Variants in RIPOR1 observed in about 807,000 individuals in gnomAD.
RIPOR1 encodes the protein rho family-interacting cell polarization regulator 1.
Under a neutral mutation model 116.5 loss-of-function variants are expected in RIPOR1, and 58 were observed. The ratio of observed to expected loss-of-function variants is 0.50; its 90% confidence interval spans 0.40 to 0.62. The LOEUF (loss-of-function observed/expected upper bound fraction) is 0.62. Ranked by LOEUF, RIPOR1 falls within the 20% of genes least tolerant of loss-of-function variation. RIPOR1 has a pLI of 0.00. For synonymous variants in RIPOR1, 605 were observed against 650.0 expected (o/e 0.93, Z 1.05); for missense variants, 1,372 against 1,586.2 (o/e 0.86, Z 2.29).
In RIPOR1 at chr16:67,541,212, C is replaced by G. The variant is rs2050970847; in HGVS notation, c.802-218C>G. 2 of 536,776 alleles carry G rather than the reference C, an allele frequency of 3.7e-6. No homozygotes were observed. The highest frequency in any genetic ancestry group is 5.0e-5 in the South Asian group (2 of 39,622). 33.3% of individuals were successfully genotyped at this position (536,776 alleles called of 1,614,324 possible). A position where few individuals can be genotyped will look rare whatever the true frequency, so the allele number is the denominator to read the frequency against. On this transcript the variant is annotated intron_variant, in intron 10 of 21. Transcript: ENST00000042381. The surrounding 1 kb of genome is among the most constrained non-coding windows in gnomAD (Gnocchi z 4.6). Reference sequence around the variant, plus strand: ...TCCCAAGTAGCTGGGACTACAGGTGCACCACCATGCCTGGCTAAAAATTTT... The same window carrying G: ...TCCCAAGTAGCTGGGACTACAGGTGGACCACCATGCCTGGCTAAAAATTTT...
Position 67,543,284 on chromosome 16 carries a change from G to A in RIPOR1, c.2478+20G>A. On this transcript the variant is annotated intron_variant, in intron 13 of 21. Coordinates refer to ENST00000042381, the MANE Select transcript of RIPOR1 (RefSeq NM_024519.4). This position sits in a 1 kb window ranked among gnomAD's most constrained non-coding sequence, Gnocchi z 4.7. Reference sequence around the variant, plus strand: ...CTCATGGTGAGGAGGGCTGGGCTGGGCTAGGGCAACCAGGGAGGGCAGCCA... The same window carrying A: ...CTCATGGTGAGGAGGGCTGGGCTGGACTAGGGCAACCAGGGAGGGCAGCCA... 6.2e-7 allele frequency: 1 copy of A among 1,603,902 alleles called. No individual in the cohort carries two copies.
rs979267136 is a variant in RIPOR1 at position 67,530,354 on chromosome 16, G to A, written c.-24+1440G>A. 3.3e-5 allele frequency among the ~76,000 whole-genome samples: 5 copies of A among 152,246 alleles called. No individual in the cohort carries two copies. The highest frequency in any genetic ancestry group is 7.3e-5 in the Non-Finnish European group (5 of 68,036). On this transcript the variant is annotated intron_variant, in intron 1 of 21. Coordinates refer to ENST00000042381, the MANE Select transcript of RIPOR1 (RefSeq NM_024519.4). This position sits in a 1 kb window ranked among gnomAD's most constrained non-coding sequence, Gnocchi z 4.5. ...CCCGACAGCCTCCGCCCGGTTCCGG[G>A]GTGGGGGGTCCGGGGCTGTGCCGCT...
chr16:67,527,923 T>G (rs1245223176), upstream of RIPOR1, among the ~76,000 whole-genome samples: 1 of 147,830 alleles, frequency 6.8e-6, no homozygotes, highest in Non-Finnish European at 1.5e-5. Context: ...AAAACAGCCC[T>G]CAGGACTGGT....
upstream of RIPOR1, among the ~76,000 whole-genome samples, chr16:67,524,325 G>A (rs2050522894): frequency 6.6e-6 from 1 of 152,164 alleles, no homozygotes; most frequent in Admixed American, 6.5e-5. Context: ...TGTGGAGGCT[G>A]GTGGTGGGTC....
At position 67,541,303 on chromosome 16, in the gene RIPOR1, T is replaced by C; in HGVS notation, c.802-127T>C. On this transcript the variant is annotated intron_variant, in intron 10 of 21. Transcript: ENST00000042381. The surrounding 1 kb of genome is among the most constrained non-coding windows in gnomAD (Gnocchi z 4.6). ...CAAGCTGGTCTTGAACTCCTGGCCT[T>C]AAGTGATCCTCCTGCCTCAGCCTCC... is the stretch of plus-strand genomic sequence containing the variant. 1.0e-6 allele frequency: 1 copy of C among 998,536 alleles called. No homozygotes were observed. Among genetic ancestry groups the C allele is most frequent in the East Asian group, 2.4e-5 (1 of 41,292 alleles). 61.9% of individuals were successfully genotyped at this position (998,536 alleles called of 1,614,324 possible).
intron 1 of RIPOR1, among the ~76,000 whole-genome samples, chr16:67,536,868 T>C (rs2050807488): frequency 6.6e-6 from 1 of 152,136 alleles, no homozygotes; most frequent in East Asian, 1.9e-4. Flanking sequence ...AGCCCCCTAC[T>C]ATCCACCTTC....
chr16:67,523,521 TAAAAAAAAAAAA>T (rs1169903442), intron 1 of RIPOR1, among the ~76,000 whole-genome samples: 7 of 44,064 alleles, frequency 1.6e-4, no homozygotes, highest in East Asian at 1.8e-3. Context: ...CAAGACTCCA[TAAAAAAAAAAAA>T]AAAAAAAAAA....
Position 67,538,991 on chromosome 16 carries a change from G to A in RIPOR1, c.259G>A (p.Ala87Thr). ...TCTTGTGGTCGCCCCTTTCCTCAGG[G>A]CCTACTTGGAAGTGCACCAGCAGGA... ...VYTALKRGLT[A>T]YLEVHQQEQE... The change falls in exon 4 of 22, where the codon GCC (alanine) becomes ACC (threonine). Residue 87 changes from alanine to threonine, a missense_variant and splice_region_variant. Transcript: ENST00000042381. 6.2e-7 allele frequency: 1 copy of A among 1,613,846 alleles called. No individual in the cohort carries two copies. Among genetic ancestry groups the A allele is most frequent in the Middle Eastern group, 1.7e-4 (1 of 6,058 alleles).
Position 67,542,596 on chromosome 16 carries a change from A to C in RIPOR1, c.1810A>C (p.Thr604Pro). The change falls in exon 13 of 22, where the codon ACT becomes CCT. Residue 604 changes from threonine (T) to proline (P), a missense_variant. Physicochemically the swap from Thr to Pro is conservative, Grantham distance 38 (BLOSUM62 -1). This residue lies in a region of RIPOR1 where 1,005 missense variants were observed against 1,144.7 expected (regional missense o/e 0.88). Transcript: ENST00000042381. This position sits in a 1 kb window ranked among gnomAD's most constrained non-coding sequence, Gnocchi z 4.6. ...PVQTTTSPTHTMPSPTHTTAS... is the reference protein window; with the variant it reads ...PVQTTTSPTHPMPSPTHTTAS... Reference sequence around the variant, plus strand: ...CCAGACTACCACAAGCCCCACCCACACTATGCCAAGCCCTACCCATACCAC... The same window carrying C: ...CCAGACTACCACAAGCCCCACCCACCCTATGCCAAGCCCTACCCATACCAC... 1 of 1,612,502 alleles carries C rather than the reference A, an allele frequency of 6.2e-7. No individual in the cohort carries two copies. The highest frequency in any genetic ancestry group is 2.2e-5 in the East Asian group (1 of 44,806).
chr16:67,537,374 A>G lies in RIPOR1; in HGVS notation c.-23-1050A>G, dbSNP rs1372892301. ...TCGCCCCCCGTCGGTCCCCTCCCCG[A>G]GGGGAACCCCAGTCACCGGTCCCGC... On this transcript the variant is annotated intron_variant, in intron 1 of 21. Coordinates refer to ENST00000042381, the MANE Select transcript of RIPOR1 (RefSeq NM_024519.4). The surrounding 1 kb of genome is among the most constrained non-coding windows in gnomAD (Gnocchi z 4.6). The G allele has an allele frequency of 2.4e-6, 3 of 1,226,912 alleles. No individual in the cohort carries two copies. The highest frequency in any genetic ancestry group is 8.6e-5 in the Admixed American group (2 of 23,262). 76.0% of individuals were successfully genotyped at this position (1,226,912 alleles called of 1,614,324 possible).
At chr16:67,521,791 C>G (rs1444303195) in intron 1 of RIPOR1, among the ~76,000 whole-genome samples, 2 of 152,246 alleles carry the variant, frequency 1.3e-5, no homozygotes, top group Non-Finnish European at 2.9e-5. Flanking sequence ...AGTGCAGAGG[C>G]CAGCCTGGAG....
At chr16:67,534,021 A>C (rs2050731685) in intron 1 of RIPOR1, among the ~76,000 whole-genome samples, 1 of 145,122 alleles carries the variant, frequency 6.9e-6, no homozygotes, top group Middle Eastern at 3.2e-3. Flanking sequence ...GGTTTCACCA[A>C]GTTGGTCAGG....
rs1488458819 is a variant in RIPOR1, at chr16:67,541,340, T to A, written c.802-90T>A. ...CTGCCTCAGCCTCCCATGACCATTT[T>A]ATAAGTTCTATGCAAATTCAGACCT... On this transcript the variant is annotated intron_variant, in intron 10 of 21. Transcript: ENST00000042381. The surrounding 1 kb of genome is among the most constrained non-coding windows in gnomAD (Gnocchi z 4.6). 6.8e-7 allele frequency: 1 copy of A among 1,470,208 alleles called. No individual in the cohort carries two copies. The highest frequency in any genetic ancestry group is 1.4e-5 in the African/African-American group (1 of 71,192). The allele number at this position is 1,470,208 out of a possible 1,614,324, so 91.1% of individuals were successfully genotyped here. A position where few individuals can be genotyped will look rare whatever the true frequency, so the allele number is the denominator to read the frequency against.
chr16:67,534,576 C>T (rs2050744308), intron 1 of RIPOR1, among the ~76,000 whole-genome samples: 1 of 152,140 alleles, frequency 6.6e-6, no homozygotes, highest in Admixed American at 6.6e-5. Context: ...AGGACATTAC[C>T]AGCACCCTGG....
At position 67,545,824 on chromosome 16, in the gene RIPOR1, C is replaced by A; in HGVS notation, c.3351C>A (p.Leu1117=). The stretch of plus-strand genomic sequence containing the variant: ...TCATGGCTGCTGTCAGCACCCAGCT[C>A]CGGAGCCTGTCACTGGGCCCTACCT... ...NKVMAAVSTQ[L]RSLSLGPTFR... is the part of the protein sequence containing the mutation. The change falls in exon 19 of 22, where the codon CTC becomes CTA. Residue 1117 remains leucine, a synonymous_variant. Transcript: ENST00000042381. This position sits in a 1 kb window ranked among gnomAD's most constrained non-coding sequence, Gnocchi z 4.8. 1 of 1,609,226 alleles carries A rather than the reference C, an allele frequency of 6.2e-7. No individual in the cohort carries two copies. The highest frequency in any genetic ancestry group is 1.1e-5 in the South Asian group (1 of 90,278).
At position 67,538,671 on chromosome 16, in the gene RIPOR1, G is replaced by T; in HGVS notation, c.105-1G>T. 6.2e-7 allele frequency: 1 copy of T among 1,612,740 alleles called. No individual in the cohort carries two copies. Among genetic ancestry groups the T allele is most frequent in the Non-Finnish European group, 8.5e-7 (1 of 1,179,676 alleles). On this transcript the variant is annotated splice_acceptor_variant, in intron 2 of 21. Coordinates refer to ENST00000042381, the MANE Select transcript of RIPOR1 (RefSeq NM_024519.4). LOFTEE classifies it high-confidence loss of function. Reference sequence around the variant, plus strand: ...CTTTCTGAGGACAGCCTCTCCTTCAGGAGTTTCCCGGTCTTCAGCCCGCCG... The same window carrying T: ...CTTTCTGAGGACAGCCTCTCCTTCATGAGTTTCCCGGTCTTCAGCCCGCCG...
rs1163279722 is a variant in RIPOR1, at chr16:67,537,560, G to A, written c.-23-864G>A. ...TCCGCGGGGGGCGAGCGCGGGTCGG[G>A]GGCCGTCCCGGACCCACCATGAACA... On this transcript the variant is annotated intron_variant, in intron 1 of 21. Transcript: ENST00000042381. The surrounding 1 kb of genome is among the most constrained non-coding windows in gnomAD (Gnocchi z 4.6). 5.1e-6 allele frequency: 7 copies of A among 1,378,436 alleles called. No individual in the cohort carries two copies. Among genetic ancestry groups the A allele is most frequent in the South Asian group, 3.2e-5 (2 of 62,312 alleles). 85.4% of individuals were successfully genotyped at this position (1,378,436 alleles called of 1,614,324 possible).
chr16:67,525,777 T>C (rs1267314496), upstream of RIPOR1, among the ~76,000 whole-genome samples: 1 of 152,006 alleles, frequency 6.6e-6, no homozygotes, highest in East Asian at 1.9e-4. Context: ...AGGACAGGGC[T>C]CAGGAAATGA....
intron 1 of RIPOR1, among the ~76,000 whole-genome samples, chr16:67,521,844 C>A (rs979533896): frequency 2.6e-5 from 4 of 152,168 alleles, no homozygotes; most frequent in Non-Finnish European, 1.5e-5. Flanking sequence ...GAAAACGATG[C>A]CATGTTGATT....
Sources: allele counts gnomAD v4.1 joint callset (sites outside exome capture counted in the v4.1 genomes callset), GRCh38; gene constraint gnomAD v4.1.1; regional missense constraint gnomAD v4.1.1; non-coding constraint Gnocchi (gnomAD v3.1); transcripts MANE v1.5; gene names NCBI Gene and HGNC (gene_info 2026-07-23, HGNC 2026-07-21).